ERBB4: variants seen among roughly 807,000 people sequenced by gnomAD.
ERBB4 encodes erb-b2 receptor tyrosine kinase 4, also known as receptor tyrosine-protein kinase erbB-4.
A neutral mutation model predicts 158.0 loss-of-function variants in ERBB4; 42 were observed. That is an observed-to-expected ratio of 0.27 (90% CI 0.21 to 0.34). The LOEUF (loss-of-function observed/expected upper bound fraction) is 0.34. Among genes scored for constraint, ERBB4 ranks in the 10% least tolerant of loss-of-function variants. ERBB4 has a pLI of 1.00. For synonymous variants in ERBB4, 583 were observed against 558.7 expected (o/e 1.04, Z -0.61); for missense variants, 1,333 against 1,624.1 (o/e 0.82, Z 3.08).
At chr2:212,249,107 G>C (rs1478719176) in intron 1 of ERBB4, among the ~76,000 whole-genome samples, 1 of 151,966 alleles carries the variant, frequency 6.6e-6, no homozygotes, top group East Asian at 1.9e-4. Flanking sequence ...CATTCAACTT[G>C]CTATTAGCAC....
chr2:212,510,013 T>G (rs1354285410), intron 1 of ERBB4, among the ~76,000 whole-genome samples: 1 of 151,568 alleles, frequency 6.6e-6, no homozygotes, highest in Non-Finnish European at 1.5e-5. Flanking sequence ...AGAAACATTT[T>G]AAACCCAAAA....
chr2:211,803,411 T>C (rs2076543855), intron 3 of ERBB4, among the ~76,000 whole-genome samples: 1 of 152,196 alleles, frequency 6.6e-6, no homozygotes, highest in South Asian at 2.1e-4. Flanking sequence ...TTCCTTCTTT[T>C]AAACACTCTG....
intron 1 of ERBB4, among the ~76,000 whole-genome samples, chr2:212,247,669 T>C (rs1040857518): frequency 6.6e-6 from 1 of 152,228 alleles, no homozygotes; most frequent in East Asian, 1.9e-4. Flanking sequence ...ACTTTAGAAA[T>C]AATGGTGTAT....
At chr2:211,648,558 T>C (rs1252118664) in intron 16 of ERBB4, among the ~76,000 whole-genome samples, 1 of 151,618 alleles carries the variant, frequency 6.6e-6, no homozygotes, top group Non-Finnish European at 1.5e-5. Context: ...TGGAGGAGGG[T>C]TTGTGTTTTG....
intron 2 of ERBB4, among the ~76,000 whole-genome samples, chr2:212,008,924 T>C (rs918712511): frequency 1.3e-5 from 2 of 152,176 alleles, no homozygotes; most frequent in South Asian, 4.1e-4. Flanking sequence ...TTACATGACA[T>C]TTATCTTAGC....
intron 1 of ERBB4, among the ~76,000 whole-genome samples, chr2:212,468,293 G>T (rs578184146): frequency 1.3e-5 from 2 of 152,254 alleles, no homozygotes; most frequent in African/African-American, 4.8e-5. Flanking sequence ...GGGGCCAGGG[G>T]TGGAATGATA....
chr2:212,103,566 C>A (rs1335094447), intron 2 of ERBB4, among the ~76,000 whole-genome samples: 1 of 152,146 alleles, frequency 6.6e-6, no homozygotes, highest in East Asian at 1.9e-4. Flanking sequence ...TTTGACCAAC[C>A]TGTTTCCCTC....
intron 1 of ERBB4, among the ~76,000 whole-genome samples, chr2:212,171,950 C>G (rs2081531932): frequency 6.6e-6 from 1 of 152,096 alleles, no homozygotes; most frequent in Non-Finnish European, 1.5e-5. Flanking sequence ...AGCTTCTGCA[C>G]AGCCAAAGAA....
At chr2:212,353,012 T>C (rs1247960983) in intron 1 of ERBB4, among the ~76,000 whole-genome samples, 2 of 152,084 alleles carry the variant, frequency 1.3e-5, no homozygotes. Context: ...GTAAAATAAC[T>C]GTTAAAAATC....
chr2:211,391,085 A>C (rs919752272), intron 25 of ERBB4, among the ~76,000 whole-genome samples: 5 of 152,184 alleles, frequency 3.3e-5, no homozygotes, highest in African/African-American at 4.8e-5. Context: ...GTTAATCACG[A>C]TGTCATAATT....
intron 16 of ERBB4, among the ~76,000 whole-genome samples, chr2:211,648,930 T>C (rs1462227824): frequency 6.6e-6 from 1 of 151,884 alleles, no homozygotes; most frequent in East Asian, 1.9e-4. Flanking sequence ...GTTGTTCTCA[T>C]ACGAAACCAC....
At chr2:211,885,462 T>G (rs2078774670) in intron 3 of ERBB4, among the ~76,000 whole-genome samples, 2 of 152,080 alleles carry the variant, frequency 1.3e-5, no homozygotes, top group Admixed American at 1.3e-4. Context: ...ATAATTTTTT[T>G]TTTTCTTTTT....
intron 2 of ERBB4, among the ~76,000 whole-genome samples, chr2:212,003,243 A>G (rs2076178700): frequency 7.6e-6 from 1 of 131,104 alleles, no homozygotes; most frequent in Non-Finnish European, 1.7e-5. Flanking sequence ...GAAGGAAGGA[A>G]GGAAGGAAGG....
intron 3 of ERBB4, among the ~76,000 whole-genome samples, chr2:211,929,032 C>T (rs1296494588): frequency 6.6e-6 from 1 of 152,072 alleles, no homozygotes; most frequent in Non-Finnish European, 1.5e-5. Context: ...TACACACAGC[C>T]ATACCAATAA....
chr2:211,496,163 G>C (rs1487084824), intron 20 of ERBB4, among the ~76,000 whole-genome samples: 1 of 151,714 alleles, frequency 6.6e-6, no homozygotes, highest in Non-Finnish European at 1.5e-5. Flanking sequence ...TCCTAATTTG[G>C]ACTTCCTAAT....
chr2:211,543,150 C>G (rs1251542640), intron 20 of ERBB4, among the ~76,000 whole-genome samples: 1 of 151,926 alleles, frequency 6.6e-6, no homozygotes, highest in Admixed American at 6.6e-5. Flanking sequence ...TAGTAGTCCA[C>G]CCCTATTAAG....
chr2:212,091,659 T>G (rs916403362), intron 2 of ERBB4, among the ~76,000 whole-genome samples: 5 of 152,030 alleles, frequency 3.3e-5, no homozygotes, highest in Non-Finnish European at 7.4e-5. Flanking sequence ...GTTCCCAGAG[T>G]AGGATCCAAT....
At chr2:212,210,531 T>C (rs2082902350) in intron 1 of ERBB4, among the ~76,000 whole-genome samples, 2 of 152,226 alleles carry the variant, frequency 1.3e-5, no homozygotes, top group South Asian at 4.1e-4. Context: ...ATCTAGTTTA[T>C]GATATCCATC....
At chr2:212,095,760 G>A (rs1414692054) in intron 2 of ERBB4, among the ~76,000 whole-genome samples, 3 of 151,730 alleles carry the variant, frequency 2.0e-5, no homozygotes, top group Admixed American at 6.6e-5. Flanking sequence ...GTGAAACCCC[G>A]TCTCTACTAA....
Sources: gnomAD v4.1 joint callset for allele counts (sites outside exome capture counted in the v4.1 genomes callset) on GRCh38, gnomAD v4.1.1 for gene constraint, MANE v1.5 for transcripts, NCBI Gene and HGNC (gene_info 2026-07-23, HGNC 2026-07-21) for gene names.